Variants in LRRC37A2 observed in about 807,000 individuals in gnomAD.
The protein encoded by LRRC37A2 is leucine rich repeat containing 37 member A2, also known as leucine-rich repeat-containing protein 37A2.
Under a neutral mutation model 68.8 loss-of-function variants are expected in LRRC37A2, and 9 were observed. The ratio of observed to expected loss-of-function variants is 0.13; its 90% CI spans 0.08 to 0.23. The LOEUF (loss-of-function observed/expected upper bound fraction) is 0.23. Ranked by LOEUF, LRRC37A2 falls within the 10% of genes least tolerant of loss-of-function variation. The pLI is 1.00. For missense variants in LRRC37A2, 168 were observed against 950.4 expected (o/e 0.18, Z 10.82); for synonymous variants, 63 against 367.6 (o/e 0.17, Z 9.48).
At chr17:46,796,015 C>T in the LRRC37A2 span, among the ~76,000 whole-genome samples, 1 of 152,054 alleles carries the variant, frequency 6.6e-6, no homozygotes, top group African/African-American at 2.4e-5. Context: ...AGGTTGTCGG[C>T]AGGGTAATTA....
At chr17:46,966,747 T>G in the LRRC37A2 span, 2 of 479,524 alleles carry the variant, frequency 4.2e-6, no homozygotes, top group South Asian at 8.4e-5. Context: ...GTGCCTTGTT[T>G]CATTAAGTGG....
At chr17:46,977,856 C>G in the LRRC37A2 span, among the ~76,000 whole-genome samples, 1 of 152,262 alleles carries the variant, frequency 6.6e-6, no homozygotes, top group East Asian at 1.9e-4. Context: ...TTGGACACAG[C>G]TGACTGATTT....
At chr17:46,922,424 T>C in the LRRC37A2 span, among the ~76,000 whole-genome samples, 2 of 152,186 alleles carry the variant, frequency 1.3e-5, no homozygotes, top group African/African-American at 2.4e-5. Flanking sequence ...ATGGCACATG[T>C]ATACATATGT....
the LRRC37A2 span, among the ~76,000 whole-genome samples, chr17:46,505,617 GCCA>G: frequency 8.5e-5 from 4 of 47,204 alleles, no homozygotes; most frequent in African/African-American, 6.2e-4. Context: ...ACAGGCGTGT[GCCA>G]CCACATGTGG....
At chr17:46,945,585 CAG>C in the LRRC37A2 span, among the ~76,000 whole-genome samples, 48 of 152,302 alleles carry the variant, frequency 3.2e-4, no homozygotes, top group African/African-American at 1.1e-3. Context: ...GGTAACTCAT[CAG>C]AGAGGAACAG....
At chr17:46,887,227 A>G in the LRRC37A2 span, among the ~76,000 whole-genome samples, 1 of 152,188 alleles carries the variant, frequency 6.6e-6, no homozygotes. Flanking sequence ...CTGATAATTA[A>G]TGAGGGATAC....
chr17:46,832,449 C>A, the LRRC37A2 span, among the ~76,000 whole-genome samples: 1 of 151,936 alleles, frequency 6.6e-6, no homozygotes, highest in African/African-American at 2.4e-5. Flanking sequence ...GAAAGAAAGA[C>A]CTCCTGCCAG....
the LRRC37A2 span, among the ~76,000 whole-genome samples, chr17:46,417,707 C>CA: frequency 9.4e-5 from 6 of 63,638 alleles, no homozygotes; most frequent in Non-Finnish European, 2.2e-4. Context: ...CTGAGAGTGC[C>CA]AAAACCTCTT....
At chr17:46,868,648 TG>T in the LRRC37A2 span, among the ~76,000 whole-genome samples, 2 of 152,156 alleles carry the variant, frequency 1.3e-5, no homozygotes, top group African/African-American at 4.8e-5. Flanking sequence ...CACATTTTTC[TG>T]GGTTCATAAG....
At chr17:46,709,946 C>T in the LRRC37A2 span, among the ~76,000 whole-genome samples, 20,359 of 152,016 alleles carry the variant, frequency 0.13, 1,836 homozygotes, top group Non-Finnish European at 0.2. Flanking sequence ...AAAGAGACTA[C>T]GTAAAAAGTG....
the LRRC37A2 span, among the ~76,000 whole-genome samples, chr17:46,800,750 T>G: frequency 6.6e-6 from 1 of 152,128 alleles, no homozygotes; most frequent in Non-Finnish European, 1.5e-5. Flanking sequence ...TTTGGTGGTA[T>G]GGGTTGAAAG....
At chr17:46,844,457 A>G in the LRRC37A2 span, among the ~76,000 whole-genome samples, 1 of 152,256 alleles carries the variant, frequency 6.6e-6, no homozygotes, top group East Asian at 1.9e-4. Context: ...CTATGGTCCA[A>G]CTGTCTACCA....
chr17:46,768,521 C>T, the LRRC37A2 span: 1 of 1,614,152 alleles, frequency 6.2e-7, no homozygotes, highest in Non-Finnish European at 8.5e-7. The surrounding 1 kb of genome is among the most constrained non-coding windows in gnomAD (Gnocchi z 5.0). Flanking sequence ...AGGAACCCGT[C>T]TCTGGGTTGG....
the LRRC37A2 span, chr17:46,978,560 G>GGCAGAGC: frequency 1.3e-5 from 19 of 1,455,714 alleles, no homozygotes; most frequent in Non-Finnish European, 1.5e-5. Flanking sequence ...CGGAGGCGGC[G>GGCAGAGC]GCAGAGCGCA....
the LRRC37A2 span, among the ~76,000 whole-genome samples, chr17:46,501,238 C>T: frequency 1.9e-4 from 28 of 151,126 alleles, 1 homozygote; most frequent in African/African-American, 6.7e-4. Flanking sequence ...GGCAGTGGTG[C>T]GATCTTGGCT....
At chr17:46,869,464 C>T in the LRRC37A2 span, among the ~76,000 whole-genome samples, 1 of 152,136 alleles carries the variant, frequency 6.6e-6, no homozygotes, top group East Asian at 1.9e-4. Flanking sequence ...TGCTGGGCAG[C>T]GTCCCTGGTC....
the LRRC37A2 span, among the ~76,000 whole-genome samples, chr17:46,770,555 C>G: frequency 6.6e-6 from 1 of 152,176 alleles, no homozygotes; most frequent in Non-Finnish European, 1.5e-5. Flanking sequence ...ATAGGGACGG[C>G]CCCTCTCCTT....
chr17:46,940,252 T>C, the LRRC37A2 span: 32 of 1,423,498 alleles, frequency 2.2e-5, no homozygotes, highest in African/African-American at 1.9e-4. Context: ...TTTCACACTT[T>C]CGGTTGGAGG....
chr17:47,034,092 TAGGAGGCCAAGAC>T, the LRRC37A2 span, among the ~76,000 whole-genome samples: 3 of 152,196 alleles, frequency 2.0e-5, no homozygotes, highest in East Asian at 3.8e-4. Flanking sequence ...CCCAGCACTT[TAGGAGGCCAAGAC>T]AGGCAGATCG....
Sources: gnomAD v4.1 joint callset for allele counts (sites outside exome capture counted in the v4.1 genomes callset) on GRCh38, gnomAD v4.1.1 for gene constraint, Gnocchi (gnomAD v3.1) non-coding constraint, MANE v1.5 for transcripts, NCBI Gene and HGNC (gene_info 2026-07-23, HGNC 2026-07-21) for gene names.